Variants in IMMP2L observed in about 807,000 individuals in gnomAD.
The protein encoded by IMMP2L is inner mitochondrial membrane peptidase subunit 2.
A neutral mutation model predicts 19.3 loss-of-function variants in IMMP2L; 18 were observed. The observed-to-expected ratio is 0.93, with a 90% CI of 0.64 to 1.38. IMMP2L has a LOEUF of 1.38. Among genes scored for constraint, IMMP2L ranks in the 40% most tolerant of loss-of-function variants. The pLI, the probability that IMMP2L is intolerant of heterozygous loss-of-function variation, is 0.00. For synonymous variants in IMMP2L, 76 were observed against 73.0 expected (o/e 1.04, Z -0.21); for missense variants, 233 against 218.2 (o/e 1.07, Z -0.43).
rs140565012 is a variant in IMMP2L, at chr7:111,543,621, T to A, written c.-3+18230A>T. ...ATGTTACCCTAAAATTAAATTTTAT[T>A]TGAGAGCAAATGTATAGCCTTTATA... On this transcript the variant is annotated intron_variant, in intron 1 of 5. Coordinates refer to ENST00000405709, the MANE Select transcript of IMMP2L (RefSeq NM_032549.4). Among the ~76,000 whole-genome samples the A allele has an allele frequency of 2.1e-3, 324 of 152,284 alleles. 3 individuals are homozygous for A. The highest frequency in any genetic ancestry group is 7.4e-3 in the African/African-American group (307 of 41,578).
intron 3 of IMMP2L, among the ~76,000 whole-genome samples, chr7:111,188,337 G>A (rs1213685604): frequency 1.3e-5 from 2 of 152,168 alleles, no homozygotes; most frequent in Non-Finnish European, 2.9e-5. Flanking sequence ...GGAAGGCTGA[G>A]ATCAGAATGT....
chr7:111,249,526 G>C (rs1436275714), intron 3 of IMMP2L, among the ~76,000 whole-genome samples: 4 of 152,038 alleles, frequency 2.6e-5, no homozygotes, highest in Middle Eastern at 3.4e-3. Flanking sequence ...GTTCCTATTC[G>C]GCCATCTTGG....
intron 3 of IMMP2L, among the ~76,000 whole-genome samples, chr7:111,262,159 C>T (rs1310822484): frequency 1.3e-5 from 2 of 152,096 alleles, no homozygotes; most frequent in Non-Finnish European, 2.9e-5. Flanking sequence ...ACAAAAATCT[C>T]ATCCCACAGG....
At chr7:111,139,424 A>T (rs1416123871) in intron 3 of IMMP2L, among the ~76,000 whole-genome samples, 1 of 152,174 alleles carries the variant, frequency 6.6e-6, no homozygotes, top group African/African-American at 2.4e-5. Flanking sequence ...ACAAGTATTT[A>T]CTAAGAAACT....
chr7:110,665,191 A>C (rs1378202141), intron 5 of IMMP2L, among the ~76,000 whole-genome samples: 1 of 152,156 alleles, frequency 6.6e-6, no homozygotes, highest in Admixed American at 6.5e-5. Flanking sequence ...CCTGTAAAAA[A>C]TTTGAAAGTG....
chr7:110,957,910 T>C (rs768600964), intron 4 of IMMP2L, among the ~76,000 whole-genome samples: 2 of 151,922 alleles, frequency 1.3e-5, no homozygotes, highest in Admixed American at 6.6e-5. Context: ...ACCCATGACA[T>C]TGCATTATGT....
At chr7:111,362,957 G>A (rs762051918) in intron 3 of IMMP2L, among the ~76,000 whole-genome samples, 1 of 152,188 alleles carries the variant, frequency 6.6e-6, no homozygotes, top group Non-Finnish European at 1.5e-5. Flanking sequence ...TATGGAAACT[G>A]AGGACTTAGA....
At chr7:111,530,683 T>C (rs537934902) in intron 1 of IMMP2L, among the ~76,000 whole-genome samples, 18 of 151,882 alleles carry the variant, frequency 1.2e-4, no homozygotes, top group Admixed American at 1.1e-3. Flanking sequence ...AAATTCATGA[T>C]GAGAAAGGCT....
At chr7:111,391,195 A>T (rs966082097) in intron 3 of IMMP2L, among the ~76,000 whole-genome samples, 1 of 152,128 alleles carries the variant, frequency 6.6e-6, no homozygotes, top group Admixed American at 6.6e-5. Flanking sequence ...GAATAGAGGA[A>T]CTGGAAAGAC....
chr7:110,851,420 G>A (rs1206970756), intron 5 of IMMP2L, among the ~76,000 whole-genome samples: 2 of 152,116 alleles, frequency 1.3e-5, no homozygotes, highest in African/African-American at 2.4e-5. Context: ...TTTGGCCAAT[G>A]GGAGACAGGA....
intron 3 of IMMP2L, among the ~76,000 whole-genome samples, chr7:111,071,728 A>G (rs1794969167): frequency 6.6e-6 from 1 of 152,184 alleles, no homozygotes; most frequent in Non-Finnish European, 1.5e-5. Flanking sequence ...AGCAAGGGGA[A>G]AGGGAGAACA....
At chr7:110,719,350 A>C (rs537323773) in intron 5 of IMMP2L, among the ~76,000 whole-genome samples, 29 of 152,336 alleles carry the variant, frequency 1.9e-4, no homozygotes, top group African/African-American at 7.0e-4. Context: ...AGGTATTTCA[A>C]GGTGAAAAGA....
chr7:111,484,935 G>C (rs1842500939), intron 3 of IMMP2L, among the ~76,000 whole-genome samples: 1 of 151,926 alleles, frequency 6.6e-6, no homozygotes. Flanking sequence ...CTACAGGCAC[G>C]CATCACCAAA....
chr7:111,481,043 T>C (rs954569995), intron 3 of IMMP2L, among the ~76,000 whole-genome samples: 1 of 152,176 alleles, frequency 6.6e-6, no homozygotes, highest in Non-Finnish European at 1.5e-5. Flanking sequence ...TCTTTGTTCA[T>C]ACTTATCGAT....
At chr7:111,404,719 G>A (rs763525358) in intron 3 of IMMP2L, among the ~76,000 whole-genome samples, 2 of 152,046 alleles carry the variant, frequency 1.3e-5, no homozygotes, top group East Asian at 3.9e-4. Flanking sequence ...TTTCACATTT[G>A]TCAAAGACAA....
intron 3 of IMMP2L, among the ~76,000 whole-genome samples, chr7:111,435,416 A>G (rs185877201): frequency 6.6e-6 from 1 of 152,006 alleles, no homozygotes; most frequent in Non-Finnish European, 1.5e-5. Flanking sequence ...TTACCTTAGT[A>G]AAATAACTCA....
chr7:110,957,785 G>A (rs1818510322), intron 4 of IMMP2L, among the ~76,000 whole-genome samples: 1 of 151,832 alleles, frequency 6.6e-6, no homozygotes, highest in African/African-American at 2.4e-5. Context: ...TAATTCATGA[G>A]TCTCTTCAAA....
In IMMP2L at chr7:111,521,394, G is replaced by C. The variant is rs750369108; in HGVS notation, c.54C>G (p.Gly18=). Residue 18 remains glycine, a synonymous_variant, in exon 2 of 6, where the codon GGC becomes GGG. Transcript: ENST00000405709. Reference sequence around the variant, plus strand: ...CTGCCACAGGCACCGCCACAAAGAAGCCTTTACAAAAGGCCTTGATGTATC... The same window carrying C: ...CTGCCACAGGCACCGCCACAAAGAACCCTTTACAAAAGGCCTTGATGTATC... ...VKRYIKAFCK[G]FFVAVPVAVT... is the part of the protein sequence containing the mutation. The C allele has an allele frequency of 2.6e-5, 42 of 1,613,062 alleles. No homozygotes were observed. The South Asian group carries it at 4.3e-4, about 16-fold the overall frequency.
intron 3 of IMMP2L, among the ~76,000 whole-genome samples, chr7:110,994,140 T>C (rs1279561386): frequency 1.3e-5 from 2 of 149,192 alleles, no homozygotes; most frequent in Non-Finnish European, 3.0e-5. Flanking sequence ...TCTCTTTTTT[T>C]TTTCTTTTTT....
Sources: gnomAD v4.1 joint callset for allele counts (sites outside exome capture counted in the v4.1 genomes callset) on GRCh38, gnomAD v4.1.1 for gene constraint, MANE v1.5 for transcripts, NCBI Gene and HGNC (gene_info 2026-07-23, HGNC 2026-07-21) for gene names.